Variants in PSPC1 observed in about 807,000 individuals in gnomAD.
The protein encoded by PSPC1 is paraspeckle protein 1.
In PSPC1, 14 loss-of-function variants were observed where a neutral mutation model predicts 51.6. The ratio of observed to expected loss-of-function variants is 0.27; its 90% CI spans 0.18 to 0.42. The LOEUF is 0.42. Ranked by LOEUF, PSPC1 falls within the 10% of genes least tolerant of loss-of-function variation. The pLI is 1.00. For missense variants in PSPC1, 406 were observed against 701.1 expected (o/e 0.58, Z 4.75); for synonymous variants, 193 against 231.9 (o/e 0.83, Z 1.53).
intron 6 of PSPC1, among the ~76,000 whole-genome samples, chr13:19,718,855 G>T (rs1277612772): frequency 6.6e-6 from 1 of 152,268 alleles, no homozygotes; most frequent in Non-Finnish European, 1.5e-5. Flanking sequence ...ATTGCCAGGT[G>T]ACTAGAAGCC....
rs35394300 is a variant in PSPC1 at position 19,768,974 on chromosome 13, CAAAA to C, written c.674+3264_674+3267del. Among the ~76,000 whole-genome samples the C allele has an allele frequency of 2.4e-5, 3 of 123,962 alleles. No homozygotes were observed. The Admixed American group carries it at 2.5e-4, about 10-fold the overall frequency. 81.3% of individuals were successfully genotyped at this position (123,962 alleles called of 152,430 possible). On this transcript the variant is annotated intron_variant, in intron 2 of 8. Coordinates refer to ENST00000338910, the MANE Select transcript of PSPC1 (RefSeq NM_001354909.2). ...ACGTGGCGAAACCCCATCTCTACTG[CAAAA>C]AAAAAAAAAAAATTAGCCAGGCATA...
intron 2 of PSPC1, among the ~76,000 whole-genome samples, chr13:19,770,633 T>C (rs367917237): frequency 2.6e-5 from 4 of 151,898 alleles, no homozygotes; most frequent in African/African-American, 9.7e-5. Context: ...ACTAAAAATA[T>C]AAAAATTAGC....
rs577053884 is a variant in PSPC1 at position 19,753,290 on chromosome 13, A to C, written c.771-1823T>G. On this transcript the variant is annotated intron_variant, in intron 3 of 8. Coordinates refer to ENST00000338910, the MANE Select transcript of PSPC1 (RefSeq NM_001354909.2). ...AAGAGCAAGACTCCATCTCAAAAAA[A>C]AAAAAAAAAAAAAGGCTCACTTGCC... Among the ~76,000 whole-genome samples, 3 of 151,522 alleles carry C rather than the reference A, an allele frequency of 2.0e-5. 1 individual carries two copies. The highest frequency in any genetic ancestry group is 6.6e-5 in the Admixed American group (1 of 15,194).
rs77006383 is a variant in PSPC1, at chr13:19,772,502, G to A, written c.414C>T (p.Asp138=). 646 of 1,610,452 alleles carry A rather than the reference G, an allele frequency of 4.0e-4. 3 individuals carry two copies. The African/African-American group carries it at 7.8e-3, about 19-fold the overall frequency. ...GAGGTCTGCTCTTGAGAATGGTGCC[G>A]TCCAGCTCTGCTTTTGCAATTTCAG... ...TLAEIAKAEL[D]GTILKSRPLR... Residue 138 remains aspartate, a synonymous_variant, in exon 2 of 9, where the codon GAC becomes GAT. Coordinates refer to ENST00000338910, the MANE Select transcript of PSPC1 (RefSeq NM_001354909.2).
chr13:19,771,670 G>A (rs554304026), intron 2 of PSPC1, among the ~76,000 whole-genome samples: 3 of 152,052 alleles, frequency 2.0e-5, no homozygotes, highest in African/African-American at 7.2e-5. Flanking sequence ...ACCCAGGCTG[G>A]AGTGCAGTGG....
intron 6 of PSPC1, among the ~76,000 whole-genome samples, chr13:19,695,400 C>T (rs772671266): frequency 7.2e-5 from 11 of 152,124 alleles, no homozygotes; most frequent in Non-Finnish European, 1.5e-4. Flanking sequence ...AAACTTGGAG[C>T]ATGTTATTTT....
At chr13:19,682,106 C>T (rs910569787) in intron 6 of PSPC1, among the ~76,000 whole-genome samples, 1 of 151,996 alleles carries the variant, frequency 6.6e-6, no homozygotes, top group Non-Finnish European at 1.5e-5. Context: ...ACAACAGATC[C>T]ACAAGGTCAA....
At chr13:19,725,985 T>C (rs1452509563) in intron 6 of PSPC1, among the ~76,000 whole-genome samples, 1 of 151,762 alleles carries the variant, frequency 6.6e-6, no homozygotes, top group Non-Finnish European at 1.5e-5. Flanking sequence ...GGAGACCCAA[T>C]CAAAAGAAAG....
intron 4 of PSPC1, among the ~76,000 whole-genome samples, chr13:19,750,459 A>AAT (rs67130075): frequency 0.71 from 104,921 of 148,412 alleles, 39,228 homozygotes; most frequent in East Asian, 0.85. Flanking sequence ...AACAAACAAA[A>AAT]ATATATATAT....
chr13:19,688,370 G>A (rs1003447344), intron 6 of PSPC1, among the ~76,000 whole-genome samples: 12 of 151,796 alleles, frequency 7.9e-5, no homozygotes, highest in Non-Finnish European at 1.2e-4. Flanking sequence ...ATAACAAGAT[G>A]TATGCTTTAT....
At chr13:19,731,786 C>T (rs1884153394) in intron 5 of PSPC1, among the ~76,000 whole-genome samples, 1 of 152,070 alleles carries the variant, frequency 6.6e-6, no homozygotes. Flanking sequence ...GGATGCTCAC[C>T]TGGTAAACAC....
At chr13:19,760,869 T>C (rs1224405205) in intron 2 of PSPC1, among the ~76,000 whole-genome samples, 1 of 151,852 alleles carries the variant, frequency 6.6e-6, no homozygotes, top group Non-Finnish European at 1.5e-5. Context: ...ACGCCTGTAA[T>C]CCCAGCTACT....
intron 6 of PSPC1, among the ~76,000 whole-genome samples, chr13:19,716,225 A>G (rs1882073861): frequency 6.6e-6 from 1 of 152,164 alleles, no homozygotes; most frequent in South Asian, 2.1e-4. Flanking sequence ...TAGATAAGGG[A>G]TACTCAACAC....
intron 6 of PSPC1, among the ~76,000 whole-genome samples, chr13:19,687,885 C>T (rs890537829): frequency 3.3e-5 from 5 of 151,990 alleles, no homozygotes; most frequent in African/African-American, 1.2e-4. Context: ...TTCAATGGGT[C>T]TTTATCACAG....
At chr13:19,707,803 A>C (rs948908490) in intron 7 of PSPC1, among the ~76,000 whole-genome samples, 1 of 152,176 alleles carries the variant, frequency 6.6e-6, no homozygotes, top group Non-Finnish European at 1.5e-5. Context: ...CTCTGATGTT[A>C]ATGTCATTCT....
At chr13:19,763,383 T>C (rs566048800) in intron 2 of PSPC1, among the ~76,000 whole-genome samples, 57 of 152,240 alleles carry the variant, frequency 3.7e-4, no homozygotes, top group African/African-American at 1.3e-3. Flanking sequence ...AAGAAACAAA[T>C]CAAAGTGTTC....
Position 19,729,108 on chromosome 13 carries a change from C to T in PSPC1, c.1158+1131G>A, listed in dbSNP as rs1883728017. 2.0e-5 allele frequency among the ~76,000 whole-genome samples: 3 copies of T among 152,096 alleles called. No homozygotes were observed. In the South Asian group the frequency reaches 6.2e-4, roughly 32 times the overall value. On this transcript the variant is annotated intron_variant, in intron 6 of 8. Transcript: ENST00000338910. The stretch of plus-strand genomic sequence containing the variant: ...TCCCAGGCTAGAGCTTGCCAACTTA[C>T]ACTCTAGCCAAATTAATTTTATCAT...
chr13:19,747,561 G>A (rs1307578632), intron 4 of PSPC1, among the ~76,000 whole-genome samples: 2 of 152,054 alleles, frequency 1.3e-5, no homozygotes, highest in Non-Finnish European at 2.9e-5. Flanking sequence ...TTGAACTGCT[G>A]GACTCAAGCA....
chr13:19,772,844 C>T (rs1402662250), intron 1 of PSPC1, among the ~76,000 whole-genome samples: 1 of 152,156 alleles, frequency 6.6e-6, no homozygotes, highest in Non-Finnish European at 1.5e-5. Context: ...AAATCTCCTA[C>T]ATATATTAAG....
Sources: allele counts gnomAD v4.1 joint callset (sites outside exome capture counted in the v4.1 genomes callset), GRCh38; gene constraint gnomAD v4.1.1; transcripts MANE v1.5; gene names NCBI Gene and HGNC (gene_info 2026-07-23, HGNC 2026-07-21).